LRRC4C: variants seen among roughly 807,000 people sequenced by gnomAD.
LRRC4C encodes leucine rich repeat containing 4C.
In LRRC4C, 5 loss-of-function variants were observed where a neutral mutation model predicts 33.6. The observed-to-expected ratio is 0.15, with a 90% CI of 0.08 to 0.31. LRRC4C has a LOEUF of 0.31. Among genes scored for constraint, LRRC4C ranks in the 10% least tolerant of loss-of-function variants. The pLI is 1.00. For missense variants in LRRC4C, 560 were observed against 796.7 expected (o/e 0.70, Z 3.58); for synonymous variants, 329 against 302.0 (o/e 1.09, Z -0.93).
At chr11:40,610,271 A>T (rs1961071160) in intron 3 of LRRC4C, among the ~76,000 whole-genome samples, 1 of 152,006 alleles carries the variant, frequency 6.6e-6, no homozygotes, top group Admixed American at 6.6e-5. Context: ...ACTAAACGAA[A>T]GATAAAAATC....
chr11:40,392,605 G>A (rs1401061075), intron 3 of LRRC4C, among the ~76,000 whole-genome samples: 1 of 152,018 alleles, frequency 6.6e-6, no homozygotes, highest in Non-Finnish European at 1.5e-5. Flanking sequence ...ATTAAAGAAA[G>A]TGATTCCTAC....
chr11:40,952,872 A>T (rs1413115505), intron 1 of LRRC4C, among the ~76,000 whole-genome samples: 1 of 106,360 alleles, frequency 9.4e-6, no homozygotes, highest in African/African-American at 3.1e-5. Context: ...ACACACACAC[A>T]CACACACACA....
chr11:40,662,523 G>A (rs1943494025), intron 2 of LRRC4C, among the ~76,000 whole-genome samples: 1 of 152,228 alleles, frequency 6.6e-6, no homozygotes. Flanking sequence ...CTAGAATACA[G>A]TAGGGGACTA....
chr11:40,407,494 A>G (rs1187817448), intron 3 of LRRC4C, among the ~76,000 whole-genome samples: 1 of 152,124 alleles, frequency 6.6e-6, no homozygotes, highest in African/African-American at 2.4e-5. Context: ...AATCTCCCTG[A>G]AAGTCATCAG....
chr11:40,831,868 C>A (rs545525883), intron 2 of LRRC4C, among the ~76,000 whole-genome samples: 18 of 152,042 alleles, frequency 1.2e-4, no homozygotes, highest in Non-Finnish European at 2.2e-4. Context: ...TGGGTCCCTC[C>A]CATGACACAT....
At position 41,414,088 on chromosome 11, in the gene LRRC4C, ACCTGTAAAAGCAG is replaced by A. The variant is rs572871546; in HGVS notation, c.-496+45330_-496+45342del. The stretch of plus-strand genomic sequence containing the variant: ...ATTTTCTCTGACTTGCTACATTCTC[ACCTGTAAAAGCAG>A]CCTGAGGTTGTTGTGAAAACGGAAA... On this transcript the variant is annotated intron_variant, in intron 1 of 6. Coordinates refer to ENST00000528697, the MANE Select transcript of LRRC4C (RefSeq NM_001258419.2). 2.1e-4 allele frequency among the ~76,000 whole-genome samples: 32 copies of A among 152,186 alleles called. No homozygotes were observed. In the South Asian group the frequency reaches 6.4e-3, roughly 31 times the overall value.
chr11:41,364,655 A>C (rs1952471590), intron 1 of LRRC4C, among the ~76,000 whole-genome samples: 1 of 152,222 alleles, frequency 6.6e-6, no homozygotes, highest in Non-Finnish European at 1.5e-5. Flanking sequence ...GCCAGTTACC[A>C]GAGGGAGAAG....
At chr11:40,558,749 T>G (rs35212459) in intron 3 of LRRC4C, among the ~76,000 whole-genome samples, 1 of 152,088 alleles carries the variant, frequency 6.6e-6, no homozygotes, top group Non-Finnish European at 1.5e-5. Context: ...GGTTTTTTTC[T>G]TACATGGGTA....
intron 1 of LRRC4C, among the ~76,000 whole-genome samples, chr11:41,240,062 T>G (rs918080478): frequency 5.1e-4 from 77 of 152,178 alleles, no homozygotes; most frequent in African/African-American, 1.8e-3. Flanking sequence ...TCTCTTATTT[T>G]ATAAAAATCA....
intron 3 of LRRC4C, among the ~76,000 whole-genome samples, chr11:40,407,800 A>C (rs182130416): frequency 4.6e-5 from 7 of 152,250 alleles, no homozygotes; most frequent in African/African-American, 1.7e-4. Context: ...CCAATTTATT[A>C]ACTAAAGAAA....
chr11:40,988,919 A>T (rs576878472), intron 1 of LRRC4C, among the ~76,000 whole-genome samples: 1 of 151,432 alleles, frequency 6.6e-6, no homozygotes, highest in South Asian at 2.1e-4. Flanking sequence ...ACGGGGTTTC[A>T]CCGTGTTAGC....
intron 1 of LRRC4C, among the ~76,000 whole-genome samples, chr11:41,254,724 A>G (rs1171511152): frequency 6.6e-6 from 1 of 152,022 alleles, no homozygotes; most frequent in African/African-American, 2.4e-5. Context: ...CTTGCTAGAG[A>G]AAGCACTGAA....
chr11:41,191,714 G>A (rs887232711), intron 1 of LRRC4C, among the ~76,000 whole-genome samples: 11 of 151,994 alleles, frequency 7.2e-5, no homozygotes, highest in African/African-American at 2.7e-4. Flanking sequence ...ATGAATCCTG[G>A]GCATCTCCCA....
chr11:41,139,552 A>G (rs2135897239), intron 1 of LRRC4C, among the ~76,000 whole-genome samples: 1 of 152,310 alleles, frequency 6.6e-6, no homozygotes, highest in East Asian at 1.9e-4. Context: ...GGAGAAAACT[A>G]GAATAGACCT....
intron 2 of LRRC4C, among the ~76,000 whole-genome samples, chr11:40,671,229 T>A (rs1383089896): frequency 6.6e-6 from 1 of 152,226 alleles, no homozygotes; most frequent in Non-Finnish European, 1.5e-5. Flanking sequence ...CTGTGATTAA[T>A]CATTTTATTA....
At chr11:40,630,401 T>C (rs1489379969) in intron 3 of LRRC4C, among the ~76,000 whole-genome samples, 1 of 125,630 alleles carries the variant, frequency 8.0e-6, no homozygotes, top group Non-Finnish European at 1.7e-5. Context: ...TTTCTTCCTC[T>C]TCCTATTCCT....
At chr11:40,698,239 T>C (rs968961591) in intron 2 of LRRC4C, among the ~76,000 whole-genome samples, 3 of 152,108 alleles carry the variant, frequency 2.0e-5, no homozygotes, top group African/African-American at 7.2e-5. Context: ...TTTGCCTTAC[T>C]TTCTTGTCAT....
chr11:41,076,854 T>C (rs1356763756), intron 1 of LRRC4C, among the ~76,000 whole-genome samples: 1 of 152,178 alleles, frequency 6.6e-6, no homozygotes. Context: ...TAGAAGCCTG[T>C]AAAATCAAAA....
At chr11:40,505,469 G>A (rs1454586815) in intron 3 of LRRC4C, among the ~76,000 whole-genome samples, 4 of 152,142 alleles carry the variant, frequency 2.6e-5, no homozygotes, top group Non-Finnish European at 5.9e-5. Context: ...ACCTCTTGCT[G>A]GGTTATGGTC....
Sources: gnomAD v4.1 joint callset for allele counts (sites outside exome capture counted in the v4.1 genomes callset) on GRCh38, gnomAD v4.1.1 for gene constraint, MANE v1.5 for transcripts, NCBI Gene and HGNC (gene_info 2026-07-23, HGNC 2026-07-21) for gene names.